SYNDIG1: variants seen among roughly 807,000 people sequenced by gnomAD.
The protein encoded by SYNDIG1 is synapse differentiation inducing 1, also known as synapse differentiation-inducing gene protein 1.
A neutral mutation model predicts 19.4 loss-of-function variants in SYNDIG1; 9 were observed. The observed-to-expected ratio is 0.46, with a 90% CI of 0.28 to 0.81. The LOEUF is 0.81. SYNDIG1 is among the 30% of genes least tolerant of loss of function. The pLI is 0.12. For synonymous variants in SYNDIG1, 141 were observed against 145.9 expected (o/e 0.97, Z 0.24); for missense variants, 311 against 343.3 (o/e 0.91, Z 0.74).
At chr20:24,610,267 G>A (rs1007205798) in intron 3 of SYNDIG1, among the ~76,000 whole-genome samples, 2 of 152,162 alleles carry the variant, frequency 1.3e-5, no homozygotes, top group Non-Finnish European at 2.9e-5. Context: ...AATAATTTGG[G>A]CCTGGTCTTT....
chr20:24,584,724 A>G, intron 2 of SYNDIG1, 132 bp from the exon 3 acceptor site: 3 of 1,238,472 alleles, frequency 2.4e-6, no homozygotes, highest in Non-Finnish European at 3.5e-6. Context: ...GACTCGAACA[A>G]CGTCAGCAAC....
At chr20:24,526,227 T>C (rs916724175) in intron 1 of SYNDIG1, among the ~76,000 whole-genome samples, 1 of 152,202 alleles carries the variant, frequency 6.6e-6, no homozygotes, top group African/African-American at 2.4e-5. Flanking sequence ...AATACTGATA[T>C]GTTTGGATCT....
chr20:24,599,973 C>A (rs1254126963), intron 3 of SYNDIG1, among the ~76,000 whole-genome samples: 1 of 152,116 alleles, frequency 6.6e-6, no homozygotes, highest in Non-Finnish European at 1.5e-5. Flanking sequence ...AAGATGGACA[C>A]CTTAAATACC....
At position 24,554,575 on chromosome 20, in the gene SYNDIG1, T is replaced by A. The variant is rs562816025; in HGVS notation, c.480+10998T>A. On this transcript the variant is annotated intron_variant, in intron 2 of 3. Transcript: ENST00000376862. ...TATTGAGATAATCATGTGGTTTTTGTCTTTGGTTCTGTTTATATGCTGGGT... is the reference window on the plus strand; with the variant it reads ...TATTGAGATAATCATGTGGTTTTTGACTTTGGTTCTGTTTATATGCTGGGT... Among the ~76,000 whole-genome samples, 24 of 152,376 alleles carry A rather than the reference T, an allele frequency of 1.6e-4. No individual in the cohort carries two copies. In the South Asian group the frequency reaches 5.0e-3, roughly 32 times the overall value.
At chr20:24,654,856 G>A (rs1479039180) in intron 3 of SYNDIG1, among the ~76,000 whole-genome samples, 2 of 152,164 alleles carry the variant, frequency 1.3e-5, no homozygotes, top group Non-Finnish European at 2.9e-5. Flanking sequence ...AATTGGAAGT[G>A]AGAAGAGTAT....
intron 1 of SYNDIG1, among the ~76,000 whole-genome samples, chr20:24,509,524 T>C (rs193170120): frequency 6.6e-6 from 1 of 152,352 alleles, no homozygotes; most frequent in East Asian, 1.9e-4. Context: ...TGCTGTTGTT[T>C]TCTATAGTCA....
chr20:24,664,851 C>T (rs373109596), intron 3 of SYNDIG1, among the ~76,000 whole-genome samples: 1 of 152,058 alleles, frequency 6.6e-6, no homozygotes, highest in Non-Finnish European at 1.5e-5. Flanking sequence ...GAGTTTCTCT[C>T]GGGGAAATGG....
At chr20:24,645,472 C>T (rs1465355885) in intron 3 of SYNDIG1, among the ~76,000 whole-genome samples, 1 of 152,160 alleles carries the variant, frequency 6.6e-6, no homozygotes, top group Non-Finnish European at 1.5e-5. Context: ...CTGTGGCTCT[C>T]ACTGAAACAG....
intron 1 of SYNDIG1, among the ~76,000 whole-genome samples, chr20:24,470,990 A>G (rs1166489032): frequency 6.6e-6 from 1 of 151,908 alleles, no homozygotes; most frequent in Non-Finnish European, 1.5e-5. Flanking sequence ...GCTGGGCGTT[A>G]CACAGTGGCT....
At chr20:24,510,001 C>T (rs1446575635) in intron 1 of SYNDIG1, among the ~76,000 whole-genome samples, 1 of 152,126 alleles carries the variant, frequency 6.6e-6, no homozygotes, top group Non-Finnish European at 1.5e-5. Flanking sequence ...CACCTCCCCG[C>T]TCACTCTTGT....
At chr20:24,495,379 C>T (rs1367031177) in intron 1 of SYNDIG1, 2 of 152,372 alleles carry the variant, frequency 1.3e-5, no homozygotes, top group Non-Finnish European at 2.9e-5. Flanking sequence ...TATCCAAGGC[C>T]ACCCGCACCC....
At position 24,637,303 on chromosome 20, in the gene SYNDIG1, T is replaced by G. The variant is rs145814581; in HGVS notation, c.619-28043T>G. Among the ~76,000 whole-genome samples, 323 of 152,296 alleles carry G rather than the reference T, an allele frequency of 2.1e-3. 2 individuals are homozygous for G. The highest frequency in any genetic ancestry group is 7.2e-3 in the African/African-American group (301 of 41,560). ...TCTCATATGGTAATTACAAGCCACA[T>G]GGTAATTTACGATTCCTTCCCTTCA... is the stretch of plus-strand genomic sequence containing the variant. On this transcript the variant is annotated intron_variant, in intron 3 of 3. Transcript: ENST00000376862.
intron 2 of SYNDIG1, among the ~76,000 whole-genome samples, chr20:24,579,216 T>C (rs1356739524): frequency 1.3e-5 from 2 of 152,152 alleles, no homozygotes; most frequent in African/African-American, 2.4e-5. Context: ...CAAGGAATAG[T>C]CTTTGCTGTG....
intron 1 of SYNDIG1, among the ~76,000 whole-genome samples, chr20:24,513,961 G>A (rs2056806785): frequency 6.6e-6 from 1 of 152,128 alleles, no homozygotes; most frequent in South Asian, 2.1e-4. Context: ...CAGAGTGGGG[G>A]CCAATATTCA....
At chr20:24,595,445 G>A (rs2058580350) in intron 3 of SYNDIG1, among the ~76,000 whole-genome samples, 1 of 152,060 alleles carries the variant, frequency 6.6e-6, no homozygotes, top group Non-Finnish European at 1.5e-5. Flanking sequence ...AAGTATATTG[G>A]CCTGAAGTTT....
intron 3 of SYNDIG1, among the ~76,000 whole-genome samples, chr20:24,618,089 G>A (rs140860150): frequency 2.8e-5 from 4 of 140,842 alleles, no homozygotes; most frequent in Middle Eastern, 4.2e-3. Context: ...GCTCGGGTAG[G>A]GGGGAACCCG....
intron 1 of SYNDIG1, among the ~76,000 whole-genome samples, chr20:24,472,006 A>T (rs1259028704): frequency 1.3e-5 from 2 of 152,232 alleles, no homozygotes; most frequent in South Asian, 2.1e-4. Context: ...AAATAAAAAA[A>T]CCATTCCAAA....
intron 3 of SYNDIG1, among the ~76,000 whole-genome samples, chr20:24,659,338 A>G (rs2059561503): frequency 6.6e-6 from 1 of 152,230 alleles, no homozygotes; most frequent in Admixed American, 6.5e-5. Context: ...TCTGGAGAGC[A>G]TGAGTTACCC....
At chr20:24,574,323 TA>T (rs11347171) in intron 2 of SYNDIG1, among the ~76,000 whole-genome samples, 84,252 of 142,398 alleles carry the variant, frequency 0.59, 24,313 homozygotes, top group African/African-American at 0.65. Flanking sequence ...ATTAAAAACC[TA>T]AAAAAAAAAA....
Sources: gnomAD v4.1 joint callset for allele counts (sites outside exome capture counted in the v4.1 genomes callset) on GRCh38, gnomAD v4.1.1 for gene constraint, MANE v1.5 for transcripts, NCBI Gene and HGNC (gene_info 2026-07-23, HGNC 2026-07-21) for gene names.